NBEAL1: variants seen among roughly 807,000 people sequenced by gnomAD.
NBEAL1 encodes the protein neurobeachin-like protein 1.
NBEAL1 carries 273 observed loss-of-function variants against 351.3 expected under a neutral mutation model. The ratio of observed to expected loss-of-function variants is 0.78; its 90% CI spans 0.70 to 0.86. The LOEUF (loss-of-function observed/expected upper bound fraction) is 0.86, where lower values mean the gene tolerates loss of function less well. NBEAL1 is among the 40% of genes least tolerant of loss of function. The pLI, the probability that NBEAL1 is intolerant of heterozygous loss-of-function variation, is 0.00. For missense variants in NBEAL1, 2,961 were observed against 3,201.3 expected, an observed-to-expected ratio of 0.92 and a Z score of 1.81; for synonymous variants, 1,050 against 1,086.4, an observed-to-expected ratio of 0.97 and a Z score of 0.66.
At chr2:203,129,705 A>G (rs1261948257) in intron 24 of NBEAL1, among the ~76,000 whole-genome samples, 1 of 152,240 alleles carries the variant, frequency 6.6e-6, no homozygotes, top group Non-Finnish European at 1.5e-5. Context: ...GAGTATGACA[A>G]TATCTGTAAG....
At chr2:203,140,075 C>A (rs1260272858) in intron 31 of NBEAL1, among the ~76,000 whole-genome samples, 1 of 151,328 alleles carries the variant, frequency 6.6e-6, no homozygotes, top group Non-Finnish European at 1.5e-5. Context: ...CCGAGGCGGG[C>A]GGATCACCTG....
At chr2:203,091,400 C>T (rs570324644) in intron 10 of NBEAL1, among the ~76,000 whole-genome samples, 24 of 152,128 alleles carry the variant, frequency 1.6e-4, no homozygotes, top group Non-Finnish European at 2.9e-4. Flanking sequence ...ATTTGGGTTG[C>T]GTCCACCGTT....
In NBEAL1 at chr2:203,190,159, TACACAC is replaced by T. The variant is rs71034227; in HGVS notation, c.6824-88_6824-83del. The stretch of plus-strand genomic sequence containing the variant: ...TCAAAAAAAAAAAAAAAGATGTGTG[TACACAC>T]ACACACACACACACACACACACACA... On this transcript the variant is annotated intron_variant, in intron 45 of 55. Coordinates refer to ENST00000683969, the MANE Select transcript of NBEAL1 (RefSeq NM_001378026.1). 851 of 450,414 alleles carry T rather than the reference TACACAC, an allele frequency of 1.9e-3. 5 individuals are homozygous for T. The highest frequency in any genetic ancestry group is 0.012 in the African/African-American group (484 of 41,526). 27.9% of individuals were successfully genotyped at this position (450,414 alleles called of 1,614,324 possible). A position where few individuals can be genotyped will look rare whatever the true frequency, so the allele number is the denominator to read the frequency against.
Position 203,083,387 on chromosome 2 carries a change from G to A in NBEAL1, c.853G>A (p.Asp285Asn), listed in dbSNP as rs1364030212. ...ACATATCCTTCTCAGTAGCAACTCT[G>A]ATCAGCGTCAAGTGGAAACCAGTAC... ...VVHILLSSNS[D>N]QRQVETSTIL... The change falls in exon 9 of 56, where the codon GAT becomes AAT. Residue 285 changes from aspartate (D) to asparagine (N), a missense_variant. By Grantham distance (23) the Asp-to-Asn change is conservative. Transcript: ENST00000683969. 6.4e-7 allele frequency: 1 copy of A among 1,555,482 alleles called. No individual in the cohort carries two copies. The highest frequency in any genetic ancestry group is 2.4e-5 in the East Asian group (1 of 42,034).
intron 47 of NBEAL1, among the ~76,000 whole-genome samples, chr2:203,195,477 A>G (rs541948428): frequency 6.6e-6 from 1 of 152,336 alleles, no homozygotes; most frequent in Admixed American, 6.5e-5. Context: ...ACACAAAAAA[A>G]CAATGCTCAG....
At chr2:203,171,809 C>G (rs1046034427) in intron 39 of NBEAL1, 119 bp from the exon 40 acceptor site, 17 of 461,850 alleles carry the variant, frequency 3.7e-5, no homozygotes, top group Non-Finnish European at 1.1e-5. Flanking sequence ...ATTGATTTAT[C>G]TCCCTGTTGT....
Position 203,110,180 on chromosome 2 carries a change from A to G in NBEAL1, c.1980A>G (p.Glu660=). The change falls in exon 15 of 56, where the codon GAA becomes GAG. Residue 660 remains glutamate (E), a synonymous_variant. Coordinates refer to ENST00000683969, the MANE Select transcript of NBEAL1 (RefSeq NM_001378026.1). ...TTACAGGAAGTGGCATGGGTTTTGA[A>G]GCCTTTATTACCCATTCAGGTATGT... The part of the protein sequence containing the change: ...SFFTGSGMGF[E]AFITHSGMLV... The G allele has an allele frequency of 6.4e-7, 1 of 1,552,274 alleles. No individual in the cohort carries two copies. The highest frequency in any genetic ancestry group is 8.7e-7 in the Non-Finnish European group (1 of 1,147,098).
At chr2:203,172,632 A>C in intron 40 of NBEAL1, 97 bp from the exon 41 acceptor site, 1 of 1,028,336 alleles carries the variant, frequency 9.7e-7, no homozygotes, top group East Asian at 2.7e-5. Context: ...TTTAGAGACT[A>C]TCCCTTTTTG....
chr2:203,035,523 C>T (rs2061028285), intron 2 of NBEAL1, among the ~76,000 whole-genome samples: 1 of 149,392 alleles, frequency 6.7e-6, no homozygotes, highest in African/African-American at 2.4e-5. Context: ...TCATGACCAA[C>T]TTGATGGCAA....
chr2:203,112,339 CTT>C (rs1434122045), intron 16 of NBEAL1, among the ~76,000 whole-genome samples: 2 of 152,116 alleles, frequency 1.3e-5, no homozygotes, highest in East Asian at 3.8e-4. Context: ...GAAAGAAAGA[CTT>C]ATAACAGGAA....
intron 12 of NBEAL1, among the ~76,000 whole-genome samples, chr2:203,101,283 A>G (rs1287696706): frequency 6.6e-6 from 1 of 151,900 alleles, no homozygotes; most frequent in Non-Finnish European, 1.5e-5. Context: ...TGTTTTTGTC[A>G]TGTTTGTCAA....
At chr2:203,058,841 T>C (rs974366680) in intron 6 of NBEAL1, among the ~76,000 whole-genome samples, 1 of 152,192 alleles carries the variant, frequency 6.6e-6, no homozygotes, top group African/African-American at 2.4e-5. Context: ...GGTGGGTTGG[T>C]AGCTTAGTGA....
intron 49 of NBEAL1, among the ~76,000 whole-genome samples, chr2:203,200,701 C>T (rs912596426): frequency 1.3e-5 from 2 of 151,772 alleles, no homozygotes; most frequent in African/African-American, 4.8e-5. Flanking sequence ...CTCAAAAAAA[C>T]TAAAATTAAA....
At chr2:203,137,075 C>T (rs771101908) in intron 29 of NBEAL1, among the ~76,000 whole-genome samples, 1 of 152,166 alleles carries the variant, frequency 6.6e-6, no homozygotes, top group African/African-American at 2.4e-5. Context: ...TTGTTTTCTA[C>T]AGGCTTGTCC....
chr2:203,118,980 T>TA (rs397987403), intron 18 of NBEAL1, among the ~76,000 whole-genome samples: 1 of 146,428 alleles, frequency 6.8e-6, no homozygotes, highest in Admixed American at 6.9e-5. Flanking sequence ...TTTTTTTTTT[T>TA]ACCATTGAAA....
chr2:203,095,090 C>T (rs909650147), intron 10 of NBEAL1, among the ~76,000 whole-genome samples: 1 of 151,918 alleles, frequency 6.6e-6, no homozygotes, highest in Admixed American at 6.6e-5. Context: ...TGCCATTGCA[C>T]TCCAGCCTGG....
At chr2:203,208,052 C>T (rs951807609) in intron 51 of NBEAL1, among the ~76,000 whole-genome samples, 1 of 152,118 alleles carries the variant, frequency 6.6e-6, no homozygotes, top group African/African-American at 2.4e-5. Context: ...AAGGCTGAGG[C>T]GGAAGGATTA....
At chr2:203,088,104 G>A (rs576132315) in intron 10 of NBEAL1, among the ~76,000 whole-genome samples, 1 of 152,142 alleles carries the variant, frequency 6.6e-6, no homozygotes, top group Non-Finnish European at 1.5e-5. Flanking sequence ...GAAAACTCAG[G>A]CTTATTTTAA....
chr2:203,202,546 T>C (rs1285761303), intron 50 of NBEAL1, 141 bp from the exon 51 acceptor site: 1 of 612,256 alleles, frequency 1.6e-6, no homozygotes, highest in Admixed American at 2.9e-5. Flanking sequence ...TCTTCCCCAA[T>C]GCTTTTCCAG....
Sources: allele counts gnomAD v4.1 joint callset (sites outside exome capture counted in the v4.1 genomes callset), GRCh38; gene constraint gnomAD v4.1.1; transcripts MANE v1.5; gene names NCBI Gene and HGNC (gene_info 2026-07-23, HGNC 2026-07-21).